The following SSMEM1 variants were observed in gnomAD, a reference collection of about 807,000 sequenced individuals.
The protein encoded by SSMEM1 is serine-rich single-pass membrane protein 1.
In SSMEM1, 12 loss-of-function variants were observed where a neutral mutation model predicts 9.9. That is an observed-to-expected ratio of 1.21 (90% confidence interval 0.78 to 1.96). SSMEM1 has a LOEUF of 1.96. Ranked by LOEUF, SSMEM1 falls within the 30% of genes most tolerant of loss-of-function variation. The pLI, the probability that SSMEM1 is intolerant of heterozygous loss-of-function variation, is 0.00. For missense variants in SSMEM1, 259 were observed against 292.2 expected, an observed-to-expected ratio of 0.89 and a Z score of 0.83; for synonymous variants, 96 against 98.9, an observed-to-expected ratio of 0.97 and a Z score of 0.17.
upstream of SSMEM1, chr7:130,205,419 C>A (rs1189634434): frequency 3.1e-6 from 5 of 1,613,348 alleles, no homozygotes; most frequent in African/African-American, 2.7e-5. Flanking sequence ...TCTCTCTGGG[C>A]ATGCGCAAAG....
chr7:130,213,341 C>T, intron 1 of SSMEM1, 139 bp from the exon 2 acceptor site: 1 of 515,914 alleles, frequency 1.9e-6, no homozygotes, highest in Non-Finnish European at 3.1e-6. Flanking sequence ...GAGTGAGACT[C>T]TCCAAAAATA....
intron 1 of SSMEM1, among the ~76,000 whole-genome samples, chr7:130,209,878 C>T (rs1798561300): frequency 6.6e-6 from 1 of 152,164 alleles, no homozygotes; most frequent in Non-Finnish European, 1.5e-5. Context: ...ACGCCTGGCC[C>T]AGTCTAAGCT....
chr7:130,208,020 C>A lies in SSMEM1; in HGVS notation c.110C>A (p.Thr37Asn). 6.2e-7 allele frequency: 1 copy of A among 1,614,030 alleles called. No individual in the cohort carries two copies. The highest frequency in any genetic ancestry group is 8.5e-7 in the Non-Finnish European group (1 of 1,179,970). The change falls in exon 1 of 3, where the codon ACC becomes AAC. Residue 37 changes from threonine (T) to asparagine (N), a missense_variant. Transcript: ENST00000297819. ...TGCTGGAAGGATGACTCTTGTGGAA[C>A]CATAGGGAGCTTCCTGCTTTGGTAT... ...YECWKDDSCG[T>N]IGSFLLWYFV...
intron 1 of SSMEM1, among the ~76,000 whole-genome samples, chr7:130,212,452 G>A (rs945131967): frequency 6.6e-5 from 10 of 152,032 alleles, no homozygotes; most frequent in East Asian, 5.8e-4. Flanking sequence ...TGGGCCAGGC[G>A]CGGTGGCTTA....
chr7:130,214,949 C>T (rs1798675156), intron 2 of SSMEM1, among the ~76,000 whole-genome samples: 1 of 152,224 alleles, frequency 6.6e-6, no homozygotes, highest in Non-Finnish European at 1.5e-5. Context: ...TGATTTTAAG[C>T]TATCCACCTC....
At chr7:130,207,388 AAGG>A (rs1173381146), upstream of SSMEM1, among the ~76,000 whole-genome samples, 2 of 152,104 alleles carry the variant, frequency 1.3e-5, no homozygotes, top group African/African-American at 4.8e-5. Flanking sequence ...GTCTTCTTGT[AAGG>A]ATACCAATTG....
intron 1 of SSMEM1, among the ~76,000 whole-genome samples, chr7:130,212,058 G>T (rs1798602103): frequency 6.6e-6 from 1 of 152,230 alleles, no homozygotes; most frequent in South Asian, 2.1e-4. Flanking sequence ...CCTGGAGAGA[G>T]AATTATATGT....
intron 1 of SSMEM1, among the ~76,000 whole-genome samples, chr7:130,210,031 G>A (rs1207352578): frequency 6.6e-6 from 1 of 152,042 alleles, no homozygotes; most frequent in Non-Finnish European, 1.5e-5. Context: ...TTTTTTTATT[G>A]ATAAGCCCCA....
chr7:130,215,380 A>G (rs1258057815), intron 2 of SSMEM1, among the ~76,000 whole-genome samples: 1 of 152,226 alleles, frequency 6.6e-6, no homozygotes, highest in African/African-American at 2.4e-5. Context: ...AAAAACCAGA[A>G]GAGCACATAG....
chr7:130,211,464 G>C (rs1562905992), intron 1 of SSMEM1, among the ~76,000 whole-genome samples: 1 of 152,066 alleles, frequency 6.6e-6, no homozygotes, highest in Admixed American at 6.6e-5. Flanking sequence ...TGGCCAGAAA[G>C]TGGTATCTTA....
chr7:130,209,020 G>A (rs570916038), intron 1 of SSMEM1, among the ~76,000 whole-genome samples: 3 of 152,240 alleles, frequency 2.0e-5, no homozygotes, highest in Admixed American at 2.0e-4. Flanking sequence ...AAGCCACCAC[G>A]CTCTGCTAAC....
chr7:130,214,120 T>C (rs1159688252), intron 2 of SSMEM1, among the ~76,000 whole-genome samples: 1 of 152,234 alleles, frequency 6.6e-6, no homozygotes, highest in Non-Finnish European at 1.5e-5. Context: ...TGTGTGTACA[T>C]ATGCTTACTA....
At chr7:130,212,551 C>A (rs1348413902) in intron 1 of SSMEM1, among the ~76,000 whole-genome samples, 1 of 151,922 alleles carries the variant, frequency 6.6e-6, no homozygotes, top group African/African-American at 2.4e-5. Flanking sequence ...CATGGAGAAA[C>A]CCTGTCTCTA....
rs752865833 is a variant in SSMEM1 at position 130,216,393 on chromosome 7, G to A, written c.658G>A (p.Val220Ile). The A allele has an allele frequency of 6.2e-6, 10 of 1,614,072 alleles. No homozygotes were observed. Among genetic ancestry groups the A allele is most frequent in the South Asian group, 1.1e-5 (1 of 91,090 alleles). Reference sequence around the variant, plus strand: ...GCACCATTCCCGACAGAAGCCTTCAGTAACACCGCCAATGAAAAGAGACAG... The same window carrying A: ...GCACCATTCCCGACAGAAGCCTTCAATAACACCGCCAATGAAAAGAGACAG... ...LAHHSRQKPS[V>I]TPPMKRDSQE... The change falls in exon 3 of 3, where the codon GTA becomes ATA. Residue 220 changes from valine to isoleucine, a missense_variant. Coordinates refer to ENST00000297819, the MANE Select transcript of SSMEM1 (RefSeq NM_145268.4).
At chr7:130,213,173 C>T (rs1482275259) in intron 1 of SSMEM1, among the ~76,000 whole-genome samples, 1 of 151,926 alleles carries the variant, frequency 6.6e-6, no homozygotes, top group Non-Finnish European at 1.5e-5. Flanking sequence ...CATGGTGAAA[C>T]CCTGTCTCTA....
chr7:130,213,164 A>G (rs1464189873), intron 1 of SSMEM1, among the ~76,000 whole-genome samples: 1 of 152,078 alleles, frequency 6.6e-6, no homozygotes, highest in African/African-American at 2.4e-5. Flanking sequence ...CCTGGCCAAC[A>G]TGGTGAAACC....
chr7:130,211,498 T>A (rs961399014), intron 1 of SSMEM1, among the ~76,000 whole-genome samples: 1 of 152,130 alleles, frequency 6.6e-6, no homozygotes, highest in African/African-American at 2.4e-5. Flanking sequence ...CTTTCAAGAT[T>A]TTTGGAGAAT....
At chr7:130,205,892 T>TC (rs1798446788), upstream of SSMEM1, among the ~76,000 whole-genome samples, 1 of 152,040 alleles carries the variant, frequency 6.6e-6, no homozygotes, top group Admixed American at 6.6e-5. Context: ...GCCAGTCTGG[T>TC]CTCGATTTCC....
intron 1 of SSMEM1, among the ~76,000 whole-genome samples, chr7:130,210,122 T>A (rs1798565300): frequency 6.6e-6 from 1 of 152,230 alleles, no homozygotes; most frequent in Non-Finnish European, 1.5e-5. Context: ...GTCAAATTAT[T>A]TGTTTGCTTC....
Sources: gnomAD v4.1 joint callset for allele counts (sites outside exome capture counted in the v4.1 genomes callset) on GRCh38, gnomAD v4.1.1 for gene constraint, MANE v1.5 for transcripts, NCBI Gene and HGNC (gene_info 2026-07-23, HGNC 2026-07-21) for gene names.